The following CTNNBL1 variants were observed in gnomAD, a reference collection of about 807,000 sequenced individuals.
CTNNBL1 encodes the protein catenin beta like 1, also known as beta-catenin-like protein 1.
Under a neutral mutation model 72.7 loss-of-function variants are expected in CTNNBL1, and 31 were observed. The ratio of observed to expected loss-of-function variants is 0.43; its 90% confidence interval spans 0.32 to 0.58. The LOEUF is 0.58. CTNNBL1 is among the 20% of genes least tolerant of loss of function. The probability of loss-of-function intolerance (pLI) is 0.08; values close to 1 mark genes in which losing one functional copy is unlikely to be tolerated. For synonymous variants in CTNNBL1, 240 were observed against 267.3 expected (o/e 0.90, Z 1.00); for missense variants, 534 against 725.1 (o/e 0.74, Z 3.03).
At chr20:37,794,307 C>T (rs1478517053) in intron 10 of CTNNBL1, among the ~76,000 whole-genome samples, 1 of 151,648 alleles carries the variant, frequency 6.6e-6, no homozygotes, top group African/African-American at 2.4e-5. Flanking sequence ...AAAATATTTG[C>T]CTTCATCTTT....
intron 10 of CTNNBL1, among the ~76,000 whole-genome samples, chr20:37,800,901 A>T (rs921587619): frequency 2.0e-5 from 3 of 152,102 alleles, no homozygotes; most frequent in South Asian, 2.1e-4. Flanking sequence ...TCCTGTCTTG[A>T]ATGTTGTTTT....
At chr20:37,829,849 G>A (rs1276889606) in intron 11 of CTNNBL1, among the ~76,000 whole-genome samples, 2 of 151,934 alleles carry the variant, frequency 1.3e-5, no homozygotes, top group African/African-American at 4.8e-5. Flanking sequence ...TATTTATTTA[G>A]GAGACAGGGT....
intron 15 of CTNNBL1, among the ~76,000 whole-genome samples, chr20:37,869,490 C>A (rs1009240351): frequency 9.7e-4 from 148 of 152,374 alleles, no homozygotes; most frequent in African/African-American, 3.5e-3. Context: ...TTCAGCACGA[C>A]ACTCTGCTGG....
intron 10 of CTNNBL1, among the ~76,000 whole-genome samples, chr20:37,786,467 A>G (rs989663065): frequency 1.3e-5 from 2 of 152,168 alleles, no homozygotes; most frequent in Middle Eastern, 3.4e-3. Flanking sequence ...GCTGGCACCA[A>G]TTGGATTTGT....
chr20:37,822,073 CT>C (rs1403796643), intron 11 of CTNNBL1, among the ~76,000 whole-genome samples: 1 of 152,158 alleles, frequency 6.6e-6, no homozygotes, highest in Non-Finnish European at 1.5e-5. Flanking sequence ...GTGTGCCTTT[CT>C]GATTATTACT....
At chr20:37,792,973 T>C (rs2073738636) in intron 10 of CTNNBL1, among the ~76,000 whole-genome samples, 2 of 152,278 alleles carry the variant, frequency 1.3e-5, no homozygotes, top group Non-Finnish European at 2.9e-5. Context: ...TACTGATTTC[T>C]ACTTTCATAC....
chr20:37,746,319 T>C, intron 3 of CTNNBL1, 149 bp from the exon 4 acceptor site: 1 of 753,904 alleles, frequency 1.3e-6, no homozygotes, highest in Non-Finnish European at 2.2e-6. Context: ...GGAAATTGTG[T>C]GACAGTATGA....
At chr20:37,706,211 A>G (rs2072883355) in intron 1 of CTNNBL1, among the ~76,000 whole-genome samples, 1 of 152,110 alleles carries the variant, frequency 6.6e-6, no homozygotes, top group Non-Finnish European at 1.5e-5. Flanking sequence ...TGTTTGCTGA[A>G]GGTTGGGGTG....
At chr20:37,868,199 T>C (rs112427575) in intron 15 of CTNNBL1, among the ~76,000 whole-genome samples, 1 of 152,140 alleles carries the variant, frequency 6.6e-6, no homozygotes, top group Non-Finnish European at 1.5e-5. Flanking sequence ...GAGTTTTTTT[T>C]CCCAAAGACT....
intron 7 of CTNNBL1, among the ~76,000 whole-genome samples, chr20:37,776,816 G>A (rs1005380057): frequency 7.9e-5 from 12 of 152,060 alleles, no homozygotes; most frequent in Non-Finnish European, 1.0e-4. Context: ...GCAGATTATG[G>A]CATGCAAGCA....
intron 4 of CTNNBL1, chr20:37,756,525 C>CATA (rs775066150): frequency 6.6e-6 from 1 of 151,312 alleles, no homozygotes; most frequent in Non-Finnish European, 1.5e-5. Context: ...GGAAAGGAAA[C>CATA]TTATAAGTTT....
intron 10 of CTNNBL1, among the ~76,000 whole-genome samples, chr20:37,798,912 G>T (rs1157218219): frequency 6.6e-6 from 1 of 152,110 alleles, no homozygotes; most frequent in African/African-American, 2.4e-5. Flanking sequence ...TGCTCACATG[G>T]TTATCTGTCC....
chr20:37,857,828 AG>A (rs1362974360), intron 13 of CTNNBL1, among the ~76,000 whole-genome samples: 2 of 152,190 alleles, frequency 1.3e-5, no homozygotes, highest in African/African-American at 4.8e-5. Context: ...GTGCCTTCTT[AG>A]GCCCATGGGC....
chr20:37,743,059 CT>C (rs1568759878), intron 3 of CTNNBL1, among the ~76,000 whole-genome samples: 2 of 152,132 alleles, frequency 1.3e-5, no homozygotes, highest in African/African-American at 2.4e-5. Context: ...CCACCTTGGC[CT>C]CCCAAAGTGC....
intron 1 of CTNNBL1, among the ~76,000 whole-genome samples, chr20:37,728,795 C>T (rs141955245): frequency 5.3e-5 from 8 of 152,322 alleles, no homozygotes; most frequent in Non-Finnish European, 8.8e-5. Flanking sequence ...GGGTTCGGCT[C>T]TGCCATAGAG....
chr20:37,702,077 C>T (rs980540059), intron 1 of CTNNBL1, among the ~76,000 whole-genome samples: 1 of 152,168 alleles, frequency 6.6e-6, no homozygotes, highest in Admixed American at 6.5e-5. Context: ...ATCAGGGCCT[C>T]CCTGTGTTGT....
intron 2 of CTNNBL1, among the ~76,000 whole-genome samples, chr20:37,736,616 C>T (rs1165780037): frequency 6.6e-6 from 1 of 152,118 alleles, no homozygotes; most frequent in African/African-American, 2.4e-5. Flanking sequence ...TCTCGGCTCA[C>T]TGCAACCTCT....
chr20:37,755,233 C>T (rs986282615), intron 4 of CTNNBL1, among the ~76,000 whole-genome samples: 20 of 152,086 alleles, frequency 1.3e-4, no homozygotes, highest in South Asian at 2.1e-4. Context: ...TTAAAAATGG[C>T]GGCTATTATT....
At chr20:37,781,954 G>T (rs1233729152) in intron 10 of CTNNBL1, among the ~76,000 whole-genome samples, 1 of 152,146 alleles carries the variant, frequency 6.6e-6, no homozygotes, top group Non-Finnish European at 1.5e-5. Flanking sequence ...TTACTTACTA[G>T]CTCTGGATAT....
Sources: allele counts gnomAD v4.1 joint callset (sites outside exome capture counted in the v4.1 genomes callset), GRCh38; gene constraint gnomAD v4.1.1; transcripts MANE v1.5; gene names NCBI Gene and HGNC (gene_info 2026-07-23, HGNC 2026-07-21).